The following ST6GALNAC3 variants were observed in gnomAD, a reference collection of about 807,000 sequenced individuals.
ST6GALNAC3 encodes the protein ST6 N-acetylgalactosaminide alpha-2,6-sialyltransferase 3, also known as alpha-N-acetylgalactosaminide alpha-2,6-sialyltransferase 3.
ST6GALNAC3 carries 25 observed loss-of-function variants against 32.7 expected under a neutral mutation model. That is an observed-to-expected ratio of 0.76 (90% CI 0.56 to 1.07). ST6GALNAC3 has a LOEUF of 1.07. ST6GALNAC3 is among the 50% of genes least tolerant of loss of function. ST6GALNAC3 has a pLI of 0.00. For synonymous variants in ST6GALNAC3, 129 were observed against 133.1 expected (o/e 0.97, Z 0.21); for missense variants, 355 against 382.4 (o/e 0.93, Z 0.60).
chr1:76,286,023 C>T (rs914652244), intron 1 of ST6GALNAC3, among the ~76,000 whole-genome samples: 12 of 152,258 alleles, frequency 7.9e-5, no homozygotes, highest in African/African-American at 2.9e-4. Context: ...GACTGACAGC[C>T]ATAGGCTAAG....
intron 3 of ST6GALNAC3, among the ~76,000 whole-genome samples, chr1:76,457,245 G>A (rs1657887742): frequency 6.6e-6 from 1 of 151,998 alleles, no homozygotes; most frequent in Non-Finnish European, 1.5e-5. Context: ...TCATGGATAG[G>A]AAGAATCAAT....
At chr1:76,156,337 A>G (rs941095627) in intron 1 of ST6GALNAC3, among the ~76,000 whole-genome samples, 2 of 152,164 alleles carry the variant, frequency 1.3e-5, no homozygotes, top group Non-Finnish European at 2.9e-5. Flanking sequence ...GACCACGTGT[A>G]GTCCACACTT....
In ST6GALNAC3 at chr1:76,629,539, A is replaced by G; in HGVS notation, c.*733A>G. 3.0e-6 allele frequency: 3 copies of G among 985,004 alleles called. No individual in the cohort carries two copies. The highest frequency in any genetic ancestry group is 3.6e-6 in the Non-Finnish European group (3 of 829,252). 61.0% of individuals were successfully genotyped at this position (985,004 alleles called of 1,614,324 possible). On this transcript the variant is annotated 3_prime_UTR_variant, in exon 5 of 5. Coordinates refer to ENST00000328299, the MANE Select transcript of ST6GALNAC3 (RefSeq NM_152996.4). The stretch of plus-strand genomic sequence containing the variant: ...CAACAGTATAACTGAACATGTGATT[A>G]GAATGATCTATATTAATGTTTAGTT...
In ST6GALNAC3 at chr1:76,509,374, T is replaced by G. The variant is rs315091; in HGVS notation, c.623+96957T>G. Among the ~76,000 whole-genome samples, 81,515 of 152,028 alleles carry G rather than the reference T, an allele frequency of 0.54. 26,051 individuals carry two copies. The highest frequency in any genetic ancestry group is 0.83 in the East Asian group (4,294 of 5,164). ...CTTCATATTAAGAATGGGTGGAAAT[T>G]TATAATATTGGGGTTTGGCTGATGC... On this transcript the variant is annotated intron_variant, in intron 3 of 4. Coordinates refer to ENST00000328299, the MANE Select transcript of ST6GALNAC3 (RefSeq NM_152996.4). The surrounding 1 kb of genome is among the most constrained non-coding windows in gnomAD (Gnocchi z 5.5).
chr1:76,591,130 A>C (rs1162076149), intron 3 of ST6GALNAC3, among the ~76,000 whole-genome samples: 1 of 152,086 alleles, frequency 6.6e-6, no homozygotes, highest in Non-Finnish European at 1.5e-5. Flanking sequence ...TCCCTAAAGA[A>C]ATACAAAGGA....
At chr1:76,457,772 A>G (rs1423528260) in intron 3 of ST6GALNAC3, among the ~76,000 whole-genome samples, 1 of 152,108 alleles carries the variant, frequency 6.6e-6, no homozygotes, top group Non-Finnish European at 1.5e-5. Flanking sequence ...ACCTAAAACC[A>G]TAAAAACCCT....
At chr1:76,465,944 A>C (rs1309814443) in intron 3 of ST6GALNAC3, among the ~76,000 whole-genome samples, 1 of 152,132 alleles carries the variant, frequency 6.6e-6, no homozygotes, top group African/African-American at 2.4e-5. Flanking sequence ...ACAGAAAATA[A>C]AACAACCAAT....
In ST6GALNAC3 at chr1:76,509,744, T is replaced by C. The variant is rs1661718665; in HGVS notation, c.623+97327T>C. 6.6e-6 allele frequency among the ~76,000 whole-genome samples: 1 copy of C among 152,188 alleles called. No individual in the cohort carries two copies. The highest frequency in any genetic ancestry group is 1.5e-5 in the Non-Finnish European group (1 of 68,032). Reference sequence around the variant, plus strand: ...AAAAAATGCAAGACTGCCTACATCCTTGGCTCACGGCCCCACTCCACCAAT... The same window carrying C: ...AAAAAATGCAAGACTGCCTACATCCCTGGCTCACGGCCCCACTCCACCAAT... On this transcript the variant is annotated intron_variant, in intron 3 of 4. Coordinates refer to ENST00000328299, the MANE Select transcript of ST6GALNAC3 (RefSeq NM_152996.4). This position sits in a 1 kb window ranked among gnomAD's most constrained non-coding sequence, Gnocchi z 5.5.
chr1:76,436,129 T>C (rs1656126409), intron 3 of ST6GALNAC3, among the ~76,000 whole-genome samples: 1 of 152,174 alleles, frequency 6.6e-6, no homozygotes, highest in African/African-American at 2.4e-5. Flanking sequence ...ATAAAATTTG[T>C]AATCCAATCT....
chr1:76,281,401 A>G (rs1659491003), intron 1 of ST6GALNAC3, among the ~76,000 whole-genome samples: 2 of 152,230 alleles, frequency 1.3e-5, no homozygotes, highest in African/African-American at 4.8e-5. Context: ...GAGCCGTTGG[A>G]TTGCAGCCCC....
chr1:76,383,148 C>A (rs1467769112), intron 2 of ST6GALNAC3, among the ~76,000 whole-genome samples: 1 of 152,018 alleles, frequency 6.6e-6, no homozygotes, highest in Non-Finnish European at 1.5e-5. Flanking sequence ...AAGTAACCAC[C>A]AACTTAATTC....
At chr1:76,520,339 A>G (rs12082025) in intron 3 of ST6GALNAC3, among the ~76,000 whole-genome samples, 5,704 of 152,266 alleles carry the variant, frequency 0.037, 232 homozygotes, top group African/African-American at 0.1. Flanking sequence ...ACAGGAGACC[A>G]TAAGTTATCA....
chr1:76,155,397 G>A (rs1651336156), intron 1 of ST6GALNAC3, among the ~76,000 whole-genome samples: 1 of 152,166 alleles, frequency 6.6e-6, no homozygotes, highest in Admixed American at 6.5e-5. Context: ...AATCAACTTT[G>A]TTTCAAACAG....
At chr1:76,456,357 AT>A (rs1213582416) in intron 3 of ST6GALNAC3, among the ~76,000 whole-genome samples, 1 of 150,946 alleles carries the variant, frequency 6.6e-6, no homozygotes, top group Non-Finnish European at 1.5e-5. Context: ...TTATTTATTT[AT>A]TTTTTTGAGT....
At chr1:76,273,408 C>T (rs1044323616) in intron 1 of ST6GALNAC3, among the ~76,000 whole-genome samples, 1 of 151,990 alleles carries the variant, frequency 6.6e-6, no homozygotes, top group African/African-American at 2.4e-5. Flanking sequence ...AAGTTAACAA[C>T]CTTAATGTGC....
chr1:76,234,188 G>C (rs943651496), intron 1 of ST6GALNAC3, among the ~76,000 whole-genome samples: 1 of 152,018 alleles, frequency 6.6e-6, no homozygotes, highest in African/African-American at 2.4e-5. Flanking sequence ...CTGAACCTCT[G>C]CTTCCCTCCA....
In ST6GALNAC3 at chr1:76,356,050, C is replaced by G. The variant is rs886089889; in HGVS notation, c.213+42051C>G. On this transcript the variant is annotated intron_variant, in intron 2 of 4. Transcript: ENST00000328299. ...ATCAGGTTCTAAAACATTACATTAA[C>G]TATAATGTCCCAAACCTCCTTCTTG... 3.3e-5 allele frequency among the ~76,000 whole-genome samples: 5 copies of G among 152,072 alleles called. No homozygotes were observed. In the South Asian group the frequency reaches 6.2e-4, roughly 19 times the overall value.
intron 1 of ST6GALNAC3, among the ~76,000 whole-genome samples, chr1:76,164,833 A>T (rs989088281): frequency 2.6e-5 from 4 of 152,208 alleles, no homozygotes; most frequent in Admixed American, 6.5e-5. Context: ...AATGAAAAAA[A>T]ATATGTGATT....
At chr1:76,479,143 A>G (rs1659562659) in intron 3 of ST6GALNAC3, among the ~76,000 whole-genome samples, 1 of 152,052 alleles carries the variant, frequency 6.6e-6, no homozygotes, top group African/African-American at 2.4e-5. Context: ...AGAACTAAAT[A>G]CTTTCCACTC....
Sources: gnomAD v4.1 joint callset for allele counts (sites outside exome capture counted in the v4.1 genomes callset) on GRCh38, gnomAD v4.1.1 for gene constraint, Gnocchi (gnomAD v3.1) non-coding constraint, MANE v1.5 for transcripts, NCBI Gene and HGNC (gene_info 2026-07-23, HGNC 2026-07-21) for gene names.